The following SLC28A1 variants were observed in gnomAD, a reference collection of about 807,000 sequenced individuals.
SLC28A1 encodes the protein sodium/nucleoside cotransporter 1.
SLC28A1 carries 64 observed loss-of-function variants against 74.8 expected under a neutral mutation model. The ratio of observed to expected loss-of-function variants is 0.86; its 90% CI spans 0.70 to 1.05. The LOEUF is 1.05. Among genes scored for constraint, SLC28A1 ranks in the 50% least tolerant of loss-of-function variants. The probability of loss-of-function intolerance (pLI) is 0.00; values close to 1 mark genes in which losing one functional copy is unlikely to be tolerated. For synonymous variants in SLC28A1, 359 were observed against 335.0 expected, an observed-to-expected ratio of 1.07 and a Z score of -0.78; for missense variants, 828 against 822.8, an observed-to-expected ratio of 1.01 and a Z score of -0.08.
At chr15:84,901,476 T>G (rs113290493) in intron 6 of SLC28A1, among the ~76,000 whole-genome samples, 22,729 of 151,684 alleles carry the variant, frequency 0.15, 1,911 homozygotes, top group African/African-American at 0.22. Flanking sequence ...GCCTCTGCAC[T>G]CCAGCCTGTG....
intron 12 of SLC28A1, among the ~76,000 whole-genome samples, chr15:84,928,596 T>TC (rs1567172597): frequency 3.1e-4 from 6 of 19,632 alleles, no homozygotes; most frequent in Admixed American, 1.8e-3. Flanking sequence ...CTTTCTTTCT[T>TC]TCTTTCTTTT....
chr15:84,890,040 G>A (rs1400916928), intron 4 of SLC28A1, among the ~76,000 whole-genome samples: 1 of 151,990 alleles, frequency 6.6e-6, no homozygotes, highest in East Asian at 1.9e-4. Context: ...TTGTCATGTT[G>A]CCCAGGCTAG....
intron 9 of SLC28A1, among the ~76,000 whole-genome samples, chr15:84,914,931 G>A (rs550737513): frequency 5.9e-5 from 9 of 152,118 alleles, no homozygotes; most frequent in South Asian, 2.1e-4. Context: ...ACCATTCTCC[G>A]TCTCACAGAT....
At chr15:84,894,832 C>T in intron 5 of SLC28A1, 108 bp from the exon 6 acceptor site, 2 of 1,119,832 alleles carry the variant, frequency 1.8e-6, no homozygotes, top group South Asian at 2.5e-5. Flanking sequence ...GGTGACTTTC[C>T]TGCCCTCCAC....
chr15:84,885,983 G>C (rs1047538227), intron 1 of SLC28A1: 1 of 234,732 alleles, frequency 4.3e-6, no homozygotes, highest in South Asian at 1.5e-4. Flanking sequence ...GTACTAGCAA[G>C]TATTTATGCA....
At chr15:84,930,614 CTTTTTT>C (rs10609233) in intron 12 of SLC28A1, among the ~76,000 whole-genome samples, 12 of 103,492 alleles carry the variant, frequency 1.2e-4, no homozygotes, top group African/African-American at 2.1e-4. Flanking sequence ...CTGCCCTCTG[CTTTTTT>C]TTTTTTTTTT....
downstream of SLC28A1, among the ~76,000 whole-genome samples, chr15:84,948,806 A>C (rs1420320635): frequency 6.6e-6 from 1 of 152,184 alleles, no homozygotes. Context: ...CTTAAACCTC[A>C]TCAAGATAAT....
chr15:84,964,493 T>A, the SLC28A1 span, among the ~76,000 whole-genome samples: 4 of 152,196 alleles, frequency 2.6e-5, no homozygotes, highest in Non-Finnish European at 5.9e-5. Context: ...TTACCCAATA[T>A]CAATTGCAAG....
At chr15:84,911,345 G>C (rs78133073) in intron 9 of SLC28A1, among the ~76,000 whole-genome samples, 2 of 152,194 alleles carry the variant, frequency 1.3e-5, no homozygotes, top group African/African-American at 2.4e-5. Flanking sequence ...TGGTGTTGCG[G>C]CCTCCCTTTT....
In SLC28A1 at chr15:84,908,594, C is replaced by G. The variant is rs576652523; in HGVS notation, c.718-124C>G. 1.7e-3 allele frequency: 1,325 copies of G among 779,216 alleles called. 12 individuals carry two copies. In the African/African-American group the frequency reaches 0.017, roughly 10 times the overall value. The allele number at this position is 779,216 out of a possible 1,614,324, so 48.3% of individuals were successfully genotyped here. A position where few individuals can be genotyped will look rare whatever the true frequency, so the allele number is the denominator to read the frequency against. On this transcript the variant is annotated intron_variant, in intron 8 of 18. Coordinates refer to ENST00000394573, the MANE Select transcript of SLC28A1 (RefSeq NM_004213.5). ...CGCACCTTGCCAGGTGGTGCCCCCC[C>G]CCGGATAAGGGCCTGGGGGGACTAC...
At chr15:84,916,729 T>C (rs1195369173) in intron 9 of SLC28A1, among the ~76,000 whole-genome samples, 1 of 152,136 alleles carries the variant, frequency 6.6e-6, no homozygotes. Context: ...CCACCTATTA[T>C]TGAAAATTCT....
At chr15:84,934,563 G>A (rs376248746) in intron 13 of SLC28A1, among the ~76,000 whole-genome samples, 5 of 152,176 alleles carry the variant, frequency 3.3e-5, no homozygotes, top group Admixed American at 6.5e-5. Flanking sequence ...CTGGAGCAGC[G>A]CTGTCCCATG....
chr15:84,936,884 C>T (rs1374088026), intron 15 of SLC28A1, among the ~76,000 whole-genome samples: 1 of 152,042 alleles, frequency 6.6e-6, no homozygotes, highest in East Asian at 1.9e-4. Flanking sequence ...GAGCCCCTGT[C>T]TTTACTAAAA....
intron 4 of SLC28A1, 124 bp downstream of exon 4, chr15:84,888,984 T>A: frequency 1.4e-6 from 1 of 717,250 alleles, no homozygotes; most frequent in Non-Finnish European, 2.5e-6. Context: ...AAGGGAGGAA[T>A]AAAGGCGCTT....
At chr15:84,941,003 T>A (rs1248049780) in intron 15 of SLC28A1, 2 of 153,140 alleles carry the variant, frequency 1.3e-5, no homozygotes, top group African/African-American at 4.8e-5. Context: ...CTCTGGCACT[T>A]CTTTGAAAGC....
At chr15:84,961,392 T>C in the SLC28A1 span, 2 of 373,284 alleles carry the variant, frequency 5.4e-6, no homozygotes, top group East Asian at 1.7e-4. Flanking sequence ...GGTACAGTGA[T>C]ATAATCATGG....
In SLC28A1 at chr15:84,945,265, C is replaced by T. The variant is rs1357882632; in HGVS notation, c.*65C>T. 4.7e-6 allele frequency: 7 copies of T among 1,476,428 alleles called. No homozygotes were observed. The highest frequency in any genetic ancestry group is 5.7e-6 in the Non-Finnish European group (6 of 1,056,246). 91.5% of individuals were successfully genotyped at this position (1,476,428 alleles called of 1,614,324 possible). On this transcript the variant is annotated 3_prime_UTR_variant, in exon 19 of 19. Coordinates refer to ENST00000394573, the MANE Select transcript of SLC28A1 (RefSeq NM_004213.5). ...TTCTCCCCCGGGAACCATCTGTCCCCACCTTCCCTTTCCCAGAGCCCTCTT... is the reference window on the plus strand; with the variant it reads ...TTCTCCCCCGGGAACCATCTGTCCCTACCTTCCCTTTCCCAGAGCCCTCTT...
intron 9 of SLC28A1, among the ~76,000 whole-genome samples, chr15:84,909,571 C>A (rs932262151): frequency 6.6e-6 from 1 of 152,146 alleles, no homozygotes; most frequent in African/African-American, 2.4e-5. Context: ...TGGTTGTATT[C>A]TTTTTTCCCT....
chr15:84,957,519 T>A, the SLC28A1 span, among the ~76,000 whole-genome samples: 1 of 152,302 alleles, frequency 6.6e-6, no homozygotes, highest in East Asian at 1.9e-4. Flanking sequence ...CACCCATCTA[T>A]GCCTCCCAAA....
Sources: gnomAD v4.1 joint callset for allele counts (sites outside exome capture counted in the v4.1 genomes callset) on GRCh38, gnomAD v4.1.1 for gene constraint, MANE v1.5 for transcripts, NCBI Gene and HGNC (gene_info 2026-07-23, HGNC 2026-07-21) for gene names.